Variants in PTPRD observed in about 807,000 individuals in gnomAD.
PTPRD encodes the protein receptor-type tyrosine-protein phosphatase delta.
A neutral mutation model predicts 214.5 loss-of-function variants in PTPRD; 34 were observed. The observed-to-expected ratio is 0.16, with a 90% confidence interval of 0.12 to 0.21. The LOEUF (loss-of-function observed/expected upper bound fraction) is 0.21. Ranked by LOEUF, PTPRD falls within the 10% of genes least tolerant of loss-of-function variation. PTPRD has a pLI of 1.00. For synonymous variants in PTPRD, 1,128 were observed against 845.7 expected, an observed-to-expected ratio of 1.33 and a Z score of -5.79; for missense variants, 2,545 against 2,398.7, an observed-to-expected ratio of 1.06 and a Z score of -1.27.
At chr9:9,613,968 G>C (rs190056031) in intron 7 of PTPRD, among the ~76,000 whole-genome samples, 88 of 152,264 alleles carry the variant, frequency 5.8e-4, no homozygotes, top group African/African-American at 2.1e-3. Context: ...ATGATGCTCT[G>C]TTACAGTCTC....
At chr9:9,854,804 G>C (rs181222766) in intron 5 of PTPRD, among the ~76,000 whole-genome samples, 27 of 152,146 alleles carry the variant, frequency 1.8e-4, no homozygotes, top group Non-Finnish European at 3.4e-4. Context: ...AATTTTGACA[G>C]TGTTTCTGGG....
intron 10 of PTPRD, among the ~76,000 whole-genome samples, chr9:9,159,700 A>C (rs1376171753): frequency 6.6e-6 from 1 of 152,172 alleles, no homozygotes. Context: ...AGAGATAAAA[A>C]ACCTCCGAAA....
chr9:9,630,056 G>A (rs1412179006), intron 7 of PTPRD, among the ~76,000 whole-genome samples: 7 of 152,172 alleles, frequency 4.6e-5, no homozygotes, highest in Admixed American at 4.6e-4. Context: ...ACTCTAGGAG[G>A]AGGACACAGG....
chr9:9,683,022 G>T (rs754104064), intron 7 of PTPRD, among the ~76,000 whole-genome samples: 2 of 151,694 alleles, frequency 1.3e-5, no homozygotes, highest in Non-Finnish European at 2.9e-5. Flanking sequence ...ACATATTGGG[G>T]GTTATAGTAT....
chr9:9,450,946 T>TACACACACAC (rs1386137342), intron 8 of PTPRD, among the ~76,000 whole-genome samples: 7 of 52,164 alleles, frequency 1.3e-4, no homozygotes, highest in East Asian at 1.0e-3. Context: ...AATACATACA[T>TACACACACAC]ACATACACAC....
At chr9:10,377,513 T>C (rs2097754927) in intron 2 of PTPRD, among the ~76,000 whole-genome samples, 2 of 151,890 alleles carry the variant, frequency 1.3e-5, no homozygotes, top group Middle Eastern at 3.2e-3. Context: ...ATTGTTCAAT[T>C]CCCACCTATG....
intron 2 of PTPRD, among the ~76,000 whole-genome samples, chr9:10,517,012 T>A (rs2050353172): frequency 6.6e-6 from 1 of 152,018 alleles, no homozygotes. Flanking sequence ...TTCAATGCTT[T>A]CAATTTTGTT....
chr9:9,704,992 G>T (rs555262856), intron 7 of PTPRD, among the ~76,000 whole-genome samples: 11 of 152,154 alleles, frequency 7.2e-5, no homozygotes, highest in Non-Finnish European at 1.6e-4. Context: ...GGGGTAGTTT[G>T]TTAATTAGCA....
At chr9:9,632,578 A>T (rs1184889111) in intron 7 of PTPRD, among the ~76,000 whole-genome samples, 2 of 151,966 alleles carry the variant, frequency 1.3e-5, no homozygotes, top group African/African-American at 4.8e-5. Flanking sequence ...TTCTAAACAA[A>T]TCATACTTTT....
intron 2 of PTPRD, among the ~76,000 whole-genome samples, chr9:10,426,425 C>G (rs1251764996): frequency 6.6e-6 from 1 of 151,740 alleles, no homozygotes; most frequent in Non-Finnish European, 1.5e-5. Flanking sequence ...ATGTATAATT[C>G]TACATAATTT....
intron 7 of PTPRD, among the ~76,000 whole-genome samples, chr9:9,688,682 G>C (rs1246591386): frequency 6.6e-6 from 1 of 151,856 alleles, no homozygotes; most frequent in Non-Finnish European, 1.5e-5. Flanking sequence ...CCATTATCTT[G>C]TATACTCTAA....
chr9:9,965,461 G>A (rs1008165899), intron 4 of PTPRD, among the ~76,000 whole-genome samples: 1 of 152,144 alleles, frequency 6.6e-6, no homozygotes, highest in Non-Finnish European at 1.5e-5. Context: ...ACTTGTCGGG[G>A]ACAGGAGATA....
intron 3 of PTPRD, among the ~76,000 whole-genome samples, chr9:10,193,932 A>G (rs1253612498): frequency 1.3e-5 from 2 of 152,160 alleles, no homozygotes; most frequent in African/African-American, 4.8e-5. Flanking sequence ...TTCCATTATA[A>G]CTGTTAAAGT....
At chr9:9,530,850 G>A (rs542719412) in intron 8 of PTPRD, among the ~76,000 whole-genome samples, 1 of 152,220 alleles carries the variant, frequency 6.6e-6, no homozygotes, top group Admixed American at 6.5e-5. Flanking sequence ...GGGAGGTAGA[G>A]AACATGCAAT....
At chr9:10,479,572 C>T (rs2099083662) in intron 2 of PTPRD, among the ~76,000 whole-genome samples, 1 of 151,600 alleles carries the variant, frequency 6.6e-6, no homozygotes, top group South Asian at 2.1e-4. Context: ...AACTCCTTAA[C>T]CAAGACCAAG....
chr9:9,358,542 T>G (rs2054745150), intron 9 of PTPRD, among the ~76,000 whole-genome samples: 1 of 151,282 alleles, frequency 6.6e-6, no homozygotes, highest in African/African-American at 2.4e-5. Context: ...TATTTTTGCC[T>G]TTACAGAGAA....
chr9:8,800,533 T>C (rs1206214725), intron 11 of PTPRD, among the ~76,000 whole-genome samples: 1 of 152,146 alleles, frequency 6.6e-6, no homozygotes, highest in Non-Finnish European at 1.5e-5. Flanking sequence ...TTCTCACTGC[T>C]ACACTCCCAC....
intron 2 of PTPRD, among the ~76,000 whole-genome samples, chr9:10,421,392 G>A (rs1022773463): frequency 6.6e-6 from 1 of 151,834 alleles, no homozygotes; most frequent in African/African-American, 2.4e-5. Flanking sequence ...ATGGAGCAAG[G>A]TTCCGTTGAT....
intron 14 of PTPRD, among the ~76,000 whole-genome samples, chr9:8,626,087 T>C (rs148815143): frequency 6.6e-6 from 1 of 151,966 alleles, no homozygotes; most frequent in African/African-American, 2.4e-5. Context: ...TAAATACCAA[T>C]AAATTATGCA....
Sources: allele counts gnomAD v4.1 joint callset (sites outside exome capture counted in the v4.1 genomes callset), GRCh38; gene constraint gnomAD v4.1.1; transcripts MANE v1.5; gene names NCBI Gene and HGNC (gene_info 2026-07-23, HGNC 2026-07-21).